Variants in SVEP1 observed in about 807,000 individuals in gnomAD.
SVEP1 encodes the protein sushi, von Willebrand factor type A, EGF and pentraxin domain containing 1, also known as sushi, von Willebrand factor type A, EGF and pentraxin domain-containing protein 1.
Under a neutral mutation model 367.3 loss-of-function variants are expected in SVEP1, and 164 were observed. That is an observed-to-expected ratio of 0.45 (90% CI 0.39 to 0.51). The LOEUF (loss-of-function observed/expected upper bound fraction) is 0.51. Ranked by LOEUF, SVEP1 falls within the 20% of genes least tolerant of loss-of-function variation. The pLI is 0.00. For missense variants in SVEP1, 4,117 were observed against 4,425.3 expected, an observed-to-expected ratio of 0.93 and a Z score of 1.98; for synonymous variants, 1,666 against 1,611.6, an observed-to-expected ratio of 1.03 and a Z score of -0.81.
intron 24 of SVEP1, among the ~76,000 whole-genome samples, chr9:110,448,152 C>CGTGT (rs369931491): frequency 5.8e-5 from 8 of 138,754 alleles, no homozygotes; most frequent in South Asian, 2.2e-4. Flanking sequence ...TGTGTGTGCG[C>CGTGT]GTGTGTGTGT....
intron 9 of SVEP1, among the ~76,000 whole-genome samples, chr9:110,485,678 G>A (rs1316171209): frequency 6.6e-6 from 1 of 152,152 alleles, no homozygotes; most frequent in African/African-American, 2.4e-5. Flanking sequence ...ACATGCCTTT[G>A]AGGTTTGAGG....
chr9:110,539,064 G>T (rs1470125813), intron 3 of SVEP1, among the ~76,000 whole-genome samples: 1 of 152,044 alleles, frequency 6.6e-6, no homozygotes, highest in African/African-American at 2.4e-5. Flanking sequence ...TAAGATTTCA[G>T]CAATGAGTTC....
chr9:110,452,871 T>G (rs1828714407), intron 22 of SVEP1, among the ~76,000 whole-genome samples: 1 of 152,230 alleles, frequency 6.6e-6, no homozygotes, highest in African/African-American at 2.4e-5. Context: ...AAGGCAACTT[T>G]GACTATTTAA....
chr9:110,497,989 T>C (rs1829477990), intron 7 of SVEP1, among the ~76,000 whole-genome samples: 1 of 152,236 alleles, frequency 6.6e-6, no homozygotes, highest in Admixed American at 6.5e-5. Context: ...AAAAAGTATT[T>C]GATTTTTCAT....
At chr9:110,411,983 T>A (rs999575916) in intron 36 of SVEP1, among the ~76,000 whole-genome samples, 3 of 152,212 alleles carry the variant, frequency 2.0e-5, no homozygotes, top group African/African-American at 7.2e-5. Flanking sequence ...TAAAATAATA[T>A]TGACTCTTTG....
chr9:110,369,822 A>G (rs1827250203), intron 47 of SVEP1, 101 bp downstream of exon 47: 1 of 907,278 alleles, frequency 1.1e-6, no homozygotes, highest in African/African-American at 1.7e-5. Flanking sequence ...CAAAATACTT[A>G]CAGTCAAACT....
chr9:110,508,157 C>T (rs928871265), intron 5 of SVEP1, among the ~76,000 whole-genome samples: 1 of 152,136 alleles, frequency 6.6e-6, no homozygotes, highest in Admixed American at 6.5e-5. Context: ...TCTTGACTTA[C>T]ATTTATGTTA....
At chr9:110,469,386 T>C (rs1411724415) in intron 16 of SVEP1, among the ~76,000 whole-genome samples, 5 of 152,196 alleles carry the variant, frequency 3.3e-5, no homozygotes, top group Admixed American at 2.6e-4. Context: ...AAAGCTGTGA[T>C]AAGCCAGATC....
In SVEP1 at chr9:110,499,225, G is replaced by A. The variant is rs1268198849; in HGVS notation, c.1497C>T (p.Ser499=). The stretch of plus-strand genomic sequence containing the variant: ...TGACATCTTTGGGCATCTGAAAGGT[G>A]GAACAGTGGCGCTCTACGGTAGGGA... The part of the protein sequence containing the change: ...PEPRCVERHC[S]TFQMPKDVII... The change falls in exon 7 of 48, where the codon TCC becomes TCT. Residue 499 remains serine (S), a synonymous_variant. Coordinates refer to ENST00000374469, the MANE Select transcript of SVEP1 (RefSeq NM_153366.4). 1 of 1,612,710 alleles carries A rather than the reference G, an allele frequency of 6.2e-7. No individual in the cohort carries two copies. Among genetic ancestry groups the A allele is most frequent in the East Asian group, 2.2e-5 (1 of 44,868 alleles).
chr9:110,430,247 G>A (rs745728720), intron 33 of SVEP1, 27 bp downstream of exon 33: 3 of 1,594,390 alleles, frequency 1.9e-6, no homozygotes, highest in South Asian at 2.3e-5. Context: ...CCAAACATAA[G>A]AAACGTGGTA....
chr9:110,573,507 C>T (rs184841106), intron 1 of SVEP1, among the ~76,000 whole-genome samples: 2 of 152,166 alleles, frequency 1.3e-5, no homozygotes, highest in African/African-American at 4.8e-5. Flanking sequence ...TTTGGCGAGA[C>T]AGCGCATCCC....
chr9:110,442,423 A>G (rs1176273335), intron 27 of SVEP1: 1 of 151,878 alleles, frequency 6.6e-6, no homozygotes, highest in Admixed American at 6.6e-5. Flanking sequence ...GTAGTATTAA[A>G]GTGAAACAAT....
intron 41 of SVEP1, 79 bp downstream of exon 41, chr9:110,389,445 C>A (rs1308842106): frequency 6.5e-6 from 10 of 1,536,718 alleles, no homozygotes; most frequent in Non-Finnish European, 8.9e-6. Context: ...CAAAACTAAC[C>A]TATAAAGAAA....
intron 47 of SVEP1, among the ~76,000 whole-genome samples, chr9:110,368,457 C>CT (rs1827230810): frequency 6.6e-6 from 1 of 152,276 alleles, no homozygotes; most frequent in South Asian, 2.1e-4. Context: ...CTATATCAAA[C>CT]TTTTGCGTAA....
intron 3 of SVEP1, among the ~76,000 whole-genome samples, chr9:110,520,808 G>C (rs1301726744): frequency 1.3e-5 from 2 of 152,080 alleles, no homozygotes; most frequent in African/African-American, 4.8e-5. Flanking sequence ...TTATTTCCTT[G>C]CACAATTCAT....
chr9:110,482,304 T>C, intron 11 of SVEP1, 57 bp downstream of exon 11: 4 of 1,573,446 alleles, frequency 2.5e-6, no homozygotes, highest in Non-Finnish European at 3.4e-6. Flanking sequence ...CAGAGCACTA[T>C]AGCAATGACA....
chr9:110,384,915 T>C (rs1827497679), intron 43 of SVEP1, among the ~76,000 whole-genome samples: 1 of 152,194 alleles, frequency 6.6e-6, no homozygotes, highest in Non-Finnish European at 1.5e-5. Context: ...AATTGATTAC[T>C]GTAGAGGTAG....
chr9:110,459,226 T>G, intron 18 of SVEP1, 113 bp from the exon 19 acceptor site: 23 of 966,468 alleles, frequency 2.4e-5, no homozygotes, highest in African/African-American at 3.3e-5. Context: ...ATATAATCTC[T>G]TCCATATATT....
intron 40 of SVEP1, among the ~76,000 whole-genome samples, chr9:110,399,550 T>G (rs1287620160): frequency 1.3e-5 from 2 of 152,154 alleles, no homozygotes; most frequent in African/African-American, 4.8e-5. Context: ...TTTTTGTTTT[T>G]GAGACAGGGT....
Sources: allele counts gnomAD v4.1 joint callset (sites outside exome capture counted in the v4.1 genomes callset), GRCh38; gene constraint gnomAD v4.1.1; transcripts MANE v1.5; gene names NCBI Gene and HGNC (gene_info 2026-07-23, HGNC 2026-07-21).